The following CRTC3 variants were observed in gnomAD, a reference collection of about 807,000 sequenced individuals.
CRTC3 encodes CREB-regulated transcription coactivator 3.
CRTC3 carries 26 observed loss-of-function variants against 74.5 expected under a neutral mutation model. The ratio of observed to expected loss-of-function variants is 0.35; its 90% CI spans 0.26 to 0.48. The LOEUF (loss-of-function observed/expected upper bound fraction) is 0.48, where lower values mean the gene tolerates loss of function less well. Among genes scored for constraint, CRTC3 ranks in the 20% least tolerant of loss-of-function variants. The pLI is 0.99. For missense variants in CRTC3, 760 were observed against 787.3 expected (o/e 0.97, Z 0.41); for synonymous variants, 377 against 325.8 (o/e 1.16, Z -1.69).
chr15:90,575,276 G>A (rs1331596765), intron 2 of CRTC3, among the ~76,000 whole-genome samples: 3 of 152,086 alleles, frequency 2.0e-5, no homozygotes, highest in Admixed American at 2.0e-4. Flanking sequence ...GCTTGAACCC[G>A]GGAGGCGGAG....
intron 1 of CRTC3, among the ~76,000 whole-genome samples, chr15:90,535,383 G>T (rs1036399832): frequency 6.6e-6 from 1 of 152,180 alleles, no homozygotes; most frequent in African/African-American, 2.4e-5. Context: ...CAAAAGATGT[G>T]TCCTTTGGTC....
In CRTC3 at chr15:90,530,296, G is replaced by A. The variant is rs1966604235; in HGVS notation, c.132+93G>A. On this transcript the variant is annotated intron_variant, in intron 1 of 14. Transcript: ENST00000268184. The surrounding 1 kb of genome is among the most constrained non-coding windows in gnomAD (Gnocchi z 6.2). The stretch of plus-strand genomic sequence containing the variant: ...AGGTTGCGGGGCCAAGGCGATGGCG[G>A]GGCCGGGCGGGGGCCGCGCCCGGGA... 1.3e-6 allele frequency: 1 copy of A among 759,770 alleles called. No homozygotes were observed. Among genetic ancestry groups the A allele is most frequent in the Non-Finnish European group, 1.6e-6 (1 of 623,466 alleles). The allele number at this position is 759,770 out of a possible 1,614,324, so 47.1% of individuals were successfully genotyped here.
chr15:90,585,709 C>G (rs1967644950), intron 2 of CRTC3, among the ~76,000 whole-genome samples: 1 of 152,140 alleles, frequency 6.6e-6, no homozygotes, highest in Non-Finnish European at 1.5e-5. Context: ...AATTCCACTC[C>G]CTCTTGCTTT....
chr15:90,598,327 T>C lies in CRTC3; in HGVS notation c.352-3997T>C. 4.5e-6 allele frequency: 3 copies of C among 667,166 alleles called. No homozygotes were observed. In the South Asian group the frequency reaches 4.9e-5, roughly 11 times the overall value. The allele number at this position is 667,166 out of a possible 1,614,324, so 41.3% of individuals were successfully genotyped here. A position where few individuals can be genotyped will look rare whatever the true frequency, so the allele number is the denominator to read the frequency against. ...CAGGGCGGGTCTTGTTTTCAGCTTC[T>C]GTGGCTCAGTAACCCCACCCACTGG... On this transcript the variant is annotated intron_variant, in intron 3 of 14. Coordinates refer to ENST00000268184, the MANE Select transcript of CRTC3 (RefSeq NM_022769.5).
At chr15:90,546,875 G>A (rs964462884) in intron 2 of CRTC3, among the ~76,000 whole-genome samples, 5 of 152,180 alleles carry the variant, frequency 3.3e-5, no homozygotes, top group South Asian at 2.1e-4. Context: ...CACCCGCCTC[G>A]GCCTCCCAGA....
rs775812380 is a variant in CRTC3, at chr15:90,530,108, C to T, written c.37C>T (p.Arg13Trp). ...ASPGSGSANP[R>W]KFSEKIALHT... ...GCCGGGCTCGGGCAGCGCCAACCCG[C>T]GGAAGTTCAGTGAGAAGATCGCGCT... Residue 13 changes from arginine (R) to tryptophan (W), a missense_variant, in exon 1 of 15, where the codon CGG becomes TGG. By Grantham distance (101) the Arg-to-Trp change is moderately radical. Transcript: ENST00000268184. The surrounding 1 kb of genome is among the most constrained non-coding windows in gnomAD (Gnocchi z 6.2). The T allele has an allele frequency of 1.4e-6, 2 of 1,455,276 alleles. No homozygotes were observed. The highest frequency in any genetic ancestry group is 1.8e-6 in the Non-Finnish European group (2 of 1,088,516). 90.1% of individuals were successfully genotyped at this position (1,455,276 alleles called of 1,614,324 possible). A position where few individuals can be genotyped will look rare whatever the true frequency, so the allele number is the denominator to read the frequency against.
rs377135961 is a variant in CRTC3 at position 90,627,683 on chromosome 15, G to A, written c.968-1551G>A. On this transcript the variant is annotated intron_variant, in intron 10 of 14. Transcript: ENST00000268184. ...GTCGCCCAGGCTGGAGTGCAGTGGC[G>A]CCATCTCGGCTCACTGCAAGCTCTG... Among the ~76,000 whole-genome samples, 38 of 150,476 alleles carry A rather than the reference G, an allele frequency of 2.5e-4. No homozygotes were observed. In the South Asian group the frequency reaches 7.6e-3, roughly 30 times the overall value.
intron 2 of CRTC3, among the ~76,000 whole-genome samples, chr15:90,542,758 C>A (rs1017276595): frequency 1.3e-4 from 20 of 152,124 alleles, no homozygotes; most frequent in African/African-American, 3.1e-4. Context: ...GCTTTTCAGC[C>A]TTTTATTTTT....
chr15:90,609,635 C>T (rs1439034344), intron 6 of CRTC3, among the ~76,000 whole-genome samples: 1 of 152,142 alleles, frequency 6.6e-6, no homozygotes, highest in Admixed American at 6.5e-5. Context: ...TTGAGGCTTG[C>T]ATGCTAAGAA....
intron 2 of CRTC3, among the ~76,000 whole-genome samples, chr15:90,577,465 GC>G (rs1967433977): frequency 1.3e-5 from 2 of 152,278 alleles, no homozygotes; most frequent in African/African-American, 2.4e-5. Flanking sequence ...TTGAGAAGGA[GC>G]CTCTAAGAAA....
chr15:90,580,449 G>A (rs1348946097), intron 2 of CRTC3, among the ~76,000 whole-genome samples: 1 of 149,078 alleles, frequency 6.7e-6, no homozygotes, highest in East Asian at 2.0e-4. Context: ...TTCCTGAGAC[G>A]AGTCTTGCTC....
rs1355978973 is a variant in CRTC3 at position 90,619,801 on chromosome 15, T to G, written c.749+11T>G. On this transcript the variant is annotated intron_variant, in intron 9 of 14. Transcript: ENST00000268184. ...TGTTGGAGGTGGCAAGTAAGTAATA[T>G]TCTTTCTGTTCGTGTTTCAGGGACT... 1 of 1,610,288 alleles carries G rather than the reference T, an allele frequency of 6.2e-7. No individual in the cohort carries two copies. The highest frequency in any genetic ancestry group is 1.7e-5 in the Admixed American group (1 of 60,016).
At chr15:90,592,878 C>T (rs562449873) in intron 2 of CRTC3, among the ~76,000 whole-genome samples, 3 of 152,172 alleles carry the variant, frequency 2.0e-5, no homozygotes, top group East Asian at 1.9e-4. Flanking sequence ...TGGGTGGGTG[C>T]GGTGGCTCAC....
rs570833580 is a variant in CRTC3, at chr15:90,644,779, T to C, written c.*2639T>C. On this transcript the variant is annotated 3_prime_UTR_variant, in exon 15 of 15. Transcript: ENST00000268184. ...CTGCGGCCTTTGTAACAAAACCAGT[T>C]GTGGTCCTCAGCATTTGAAGCAGCT... 1.3e-4 allele frequency: 31 copies of C among 232,710 alleles called. No individual in the cohort carries two copies. Among genetic ancestry groups the C allele is most frequent in the African/African-American group, 6.2e-4 (28 of 45,436 alleles). 14.4% of individuals were successfully genotyped at this position (232,710 alleles called of 1,614,324 possible). A position where few individuals can be genotyped will look rare whatever the true frequency, so the allele number is the denominator to read the frequency against.
intron 2 of CRTC3, among the ~76,000 whole-genome samples, chr15:90,557,614 T>G (rs1966921223): frequency 6.6e-6 from 1 of 152,112 alleles, no homozygotes; most frequent in African/African-American, 2.4e-5. Flanking sequence ...GAGATCACCC[T>G]GGTAATATGG....
chr15:90,558,300 CT>C (rs1317778939), intron 2 of CRTC3, among the ~76,000 whole-genome samples: 6 of 152,142 alleles, frequency 3.9e-5, no homozygotes, highest in African/African-American at 1.4e-4. Flanking sequence ...GTCCTGTCTT[CT>C]TTCAGTATAT....
At chr15:90,538,745 A>G (rs1348756729) in intron 1 of CRTC3, among the ~76,000 whole-genome samples, 1 of 150,748 alleles carries the variant, frequency 6.6e-6, no homozygotes, top group Non-Finnish European at 1.5e-5. Flanking sequence ...CATAGGTTCA[A>G]CAATGCTTTT....
chr15:90,634,897 G>A, intron 11 of CRTC3: 1 of 1,573,250 alleles, frequency 6.4e-7, no homozygotes. Flanking sequence ...GGTAAGGCTG[G>A]AGAGATTCAA....
chr15:90,563,731 T>A (rs1376518756), intron 2 of CRTC3, among the ~76,000 whole-genome samples: 1 of 152,208 alleles, frequency 6.6e-6, no homozygotes, highest in Non-Finnish European at 1.5e-5. Context: ...AGCTCAACAT[T>A]ACTCAGCTAG....
Sources: allele counts gnomAD v4.1 joint callset (sites outside exome capture counted in the v4.1 genomes callset), GRCh38; gene constraint gnomAD v4.1.1; non-coding constraint Gnocchi (gnomAD v3.1); transcripts MANE v1.5; gene names NCBI Gene and HGNC (gene_info 2026-07-23, HGNC 2026-07-21).